The following NYAP2 variants were observed in gnomAD, a reference collection of about 807,000 sequenced individuals.
NYAP2 encodes neuronal tyrosine-phosphorylated phosphoinositide-3-kinase adapter 2.
Under a neutral mutation model 50.4 loss-of-function variants are expected in NYAP2, and 23 were observed. The observed-to-expected ratio is 0.46, with a 90% CI of 0.33 to 0.65. NYAP2 has a LOEUF of 0.65. Ranked by LOEUF, NYAP2 falls within the 30% of genes least tolerant of loss-of-function variation. The pLI is 0.02. For synonymous variants in NYAP2, 394 were observed against 365.2 expected (o/e 1.08, Z -0.90); for missense variants, 885 against 861.0 (o/e 1.03, Z -0.35).
chr2:225,557,041 G>A (rs910228716), intron 4 of NYAP2, among the ~76,000 whole-genome samples: 9 of 152,116 alleles, frequency 5.9e-5, no homozygotes, highest in African/African-American at 1.9e-4. Context: ...GTTGAAAGAG[G>A]CCAAAGCAAA....
downstream of NYAP2, among the ~76,000 whole-genome samples, chr2:225,658,176 A>T (rs941728252): frequency 6.6e-6 from 1 of 152,178 alleles, no homozygotes; most frequent in Admixed American, 6.5e-5. Context: ...ATTAACACAC[A>T]GCTTCTCACC....
chr2:225,416,295 A>C (rs1695121111), intron 3 of NYAP2, among the ~76,000 whole-genome samples: 2 of 152,174 alleles, frequency 1.3e-5, no homozygotes, highest in Admixed American at 6.6e-5. Flanking sequence ...TTATTCCTCA[A>C]ACCATAAAAT....
At chr2:225,409,022 C>T (rs746630016) in exon 3 of NYAP2, 6 of 1,612,220 alleles carry the variant, frequency 3.7e-6, no homozygotes, top group East Asian at 4.5e-5. Context: ...AGAGAATGAT[C>T]GCTTGAGAAA....
chr2:225,504,021 C>A (rs1434699058), intron 3 of NYAP2, among the ~76,000 whole-genome samples: 1 of 152,028 alleles, frequency 6.6e-6, no homozygotes, highest in East Asian at 1.9e-4. Flanking sequence ...TTAAAAATGG[C>A]TATTTGATGA....
At chr2:225,472,750 T>C (rs1422330780) in intron 3 of NYAP2, among the ~76,000 whole-genome samples, 3 of 152,170 alleles carry the variant, frequency 2.0e-5, no homozygotes, top group Non-Finnish European at 4.4e-5. Flanking sequence ...GGATGGGATA[T>C]CTCTTTCCTT....
At chr2:225,655,050 A>G (rs1271334298), downstream of NYAP2, among the ~76,000 whole-genome samples, 1 of 152,216 alleles carries the variant, frequency 6.6e-6, no homozygotes, top group East Asian at 1.9e-4. Context: ...TGGGGCCAAT[A>G]GTGACAGCCC....
intron 5 of NYAP2, among the ~76,000 whole-genome samples, chr2:225,615,061 T>C (rs936106939): frequency 6.6e-6 from 1 of 152,186 alleles, no homozygotes; most frequent in Non-Finnish European, 1.5e-5. Flanking sequence ...AAGGATTTTA[T>C]AGGACATTTG....
chr2:225,627,449 C>A (rs1009214911), intron 6 of NYAP2, among the ~76,000 whole-genome samples: 1 of 152,068 alleles, frequency 6.6e-6, no homozygotes, highest in East Asian at 1.9e-4. Flanking sequence ...TTTTAACTTG[C>A]GAAGTTTGAG....
chr2:225,532,910 G>A (rs992359993), intron 4 of NYAP2, among the ~76,000 whole-genome samples: 5 of 152,164 alleles, frequency 3.3e-5, no homozygotes, highest in African/African-American at 1.2e-4. Context: ...TATTTACTGA[G>A]TGTCTACTAT....
chr2:225,507,373 A>T (rs911794269), intron 3 of NYAP2, among the ~76,000 whole-genome samples: 1 of 152,210 alleles, frequency 6.6e-6, no homozygotes, highest in South Asian at 2.1e-4. Context: ...AGCAGTTCTC[A>T]TAAGGAAACA....
chr2:225,494,818 C>T (rs1690472847), intron 3 of NYAP2, among the ~76,000 whole-genome samples: 1 of 152,114 alleles, frequency 6.6e-6, no homozygotes, highest in African/African-American at 2.4e-5. Context: ...AGCTTGTATA[C>T]ACAATACAGC....
intron 5 of NYAP2, among the ~76,000 whole-genome samples, chr2:225,606,452 A>G (rs144528045): frequency 6.8e-4 from 104 of 152,310 alleles, no homozygotes; most frequent in African/African-American, 2.5e-3. Flanking sequence ...GCCTAATTGT[A>G]ATTTCCTATG....
intron 4 of NYAP2, among the ~76,000 whole-genome samples, chr2:225,569,728 G>A (rs988296487): frequency 9.9e-5 from 15 of 152,258 alleles, no homozygotes; most frequent in African/African-American, 3.4e-4. Context: ...AACAGGTTAA[G>A]TAGTGGTTCA....
At chr2:225,541,141 T>C (rs543181954) in intron 4 of NYAP2, among the ~76,000 whole-genome samples, 1 of 152,296 alleles carries the variant, frequency 6.6e-6, no homozygotes, top group African/African-American at 2.4e-5. Flanking sequence ...CAGGTTATTA[T>C]ATTTTTTACT....
intron 5 of NYAP2, among the ~76,000 whole-genome samples, chr2:225,624,194 G>A (rs142815349): frequency 1.1e-3 from 168 of 152,260 alleles, no homozygotes; most frequent in African/African-American, 3.9e-3. Context: ...CTTGTTCAGG[G>A]TGCTGCCCAA....
In NYAP2 at chr2:225,484,641, T is replaced by C. The variant is rs540653610; in HGVS notation, c.222-28730T>C. Among the ~76,000 whole-genome samples the C allele has an allele frequency of 3.3e-4, 50 of 152,250 alleles. 2 individuals carry two copies. Among genetic ancestry groups the C allele is most frequent in the Non-Finnish European group, 5.6e-4 (38 of 68,044 alleles). Reference sequence around the variant, plus strand: ...GAGACATCTTTTACTCTTTCTACTCTACTGTAAGCCTCCTGCTTAATGTTG... The same window carrying C: ...GAGACATCTTTTACTCTTTCTACTCCACTGTAAGCCTCCTGCTTAATGTTG... On this transcript the variant is annotated intron_variant, in intron 3 of 6. Transcript: ENST00000636099.
chr2:225,629,544 G>A (rs77809072), intron 6 of NYAP2, among the ~76,000 whole-genome samples: 17,087 of 152,148 alleles, frequency 0.11, 1,055 homozygotes, highest in South Asian at 0.15. Context: ...GGGTACACAA[G>A]GCTGGGTAAT....
intron 5 of NYAP2, among the ~76,000 whole-genome samples, chr2:225,598,618 G>A (rs967632103): frequency 6.6e-6 from 1 of 152,180 alleles, no homozygotes; most frequent in Non-Finnish European, 1.5e-5. Context: ...TAAAACATGT[G>A]TGTAACCACA....
At chr2:225,553,153 G>T (rs1691709634) in intron 4 of NYAP2, among the ~76,000 whole-genome samples, 1 of 152,240 alleles carries the variant, frequency 6.6e-6, no homozygotes, top group African/African-American at 2.4e-5. Flanking sequence ...GGACGTCCCT[G>T]CCTGGCGGCG....
Sources: allele counts gnomAD v4.1 joint callset (sites outside exome capture counted in the v4.1 genomes callset), GRCh38; gene constraint gnomAD v4.1.1; transcripts MANE v1.5; gene names NCBI Gene and HGNC (gene_info 2026-07-23, HGNC 2026-07-21).